The following PLEKHG4B variants were observed in gnomAD, a reference collection of about 807,000 sequenced individuals.
The protein encoded by PLEKHG4B is pleckstrin homology domain-containing family G member 4B.
In PLEKHG4B, 111 loss-of-function variants were observed where a neutral mutation model predicts 121.3. That is an observed-to-expected ratio of 0.92 (90% CI 0.78 to 1.07). PLEKHG4B has a LOEUF of 1.07. Ranked by LOEUF, PLEKHG4B falls within the 50% of genes least tolerant of loss-of-function variation. The pLI, the probability that PLEKHG4B is intolerant of heterozygous loss-of-function variation, is 0.00. For missense variants in PLEKHG4B, 1,831 were observed against 1,757.8 expected (o/e 1.04, Z -0.74); for synonymous variants, 738 against 725.0 (o/e 1.02, Z -0.29).
At position 182,688 on chromosome 5, in the gene PLEKHG4B, C is replaced by T. The variant is rs1330129919; in HGVS notation, c.*365C>T. The T allele has an allele frequency of 7.7e-6, 2 of 258,200 alleles. No homozygotes were observed. Among genetic ancestry groups the T allele is most frequent in the Non-Finnish European group, 1.5e-5 (2 of 131,718 alleles). 16.0% of individuals were successfully genotyped at this position (258,200 alleles called of 1,614,324 possible). On this transcript the variant is annotated 3_prime_UTR_variant, in exon 20 of 20. Coordinates refer to ENST00000637938, the MANE Select transcript of PLEKHG4B (RefSeq NM_052909.5). ...GAGACAGGAAAACGGGAGGTGAGCC[C>T]GGTGATGGCCTCAGACCTCCCTCCG... is the stretch of plus-strand genomic sequence containing the variant.
chr5:183,991 C>CGATAGATAGAT lies in PLEKHG4B; in HGVS notation c.*1669_*1679dup, dbSNP rs1733523883. 9.6e-6 allele frequency: 1 copy of CGATAGATAGAT among 104,614 alleles called. No individual in the cohort carries two copies. The highest frequency in any genetic ancestry group is 2.9e-5 in the African/African-American group (1 of 34,128). The allele number at this position is 104,614 out of a possible 1,614,324, so 6.5% of individuals were successfully genotyped here. A position where few individuals can be genotyped will look rare whatever the true frequency, so the allele number is the denominator to read the frequency against. On this transcript the variant is annotated 3_prime_UTR_variant, in exon 20 of 20. Transcript: ENST00000637938. The stretch of plus-strand genomic sequence containing the variant: ...CAGACAGATAGATAGATAGATAGAT[C>CGATAGATAGAT]GATAGATAGATAGATAGATAGATAG...
At chr5:145,009 GC>G in intron 6 of PLEKHG4B, 89 bp downstream of exon 6, 2 of 1,228,684 alleles carry the variant, frequency 1.6e-6, no homozygotes, top group Non-Finnish European at 1.2e-6. Flanking sequence ...TTCTGGAGTA[GC>G]CAGTCCACAG....
At chr5:122,692 T>G (rs1040543006) in intron 2 of PLEKHG4B, among the ~76,000 whole-genome samples, 1 of 151,988 alleles carries the variant, frequency 6.6e-6, no homozygotes, top group Non-Finnish European at 1.5e-5. Context: ...AGTGCTGGGA[T>G]TACAGACATG....
intron 2 of PLEKHG4B, among the ~76,000 whole-genome samples, chr5:126,761 G>C (rs935502644): frequency 6.6e-6 from 1 of 152,138 alleles, no homozygotes; most frequent in Admixed American, 6.6e-5. Context: ...ACGCACATGA[G>C]GAGTGAGTTT....
At chr5:167,490 T>A in intron 13 of PLEKHG4B, among the ~76,000 whole-genome samples, 1 of 129,390 alleles carries the variant, frequency 7.7e-6, no homozygotes, top group Non-Finnish European at 1.9e-5. Context: ...TCGAGTTATT[T>A]AAGGAGGTTG....
At chr5:164,654 G>GA (rs1338530609) in intron 13 of PLEKHG4B, among the ~76,000 whole-genome samples, 23,900 of 128,758 alleles carry the variant, frequency 0.19, 6,566 homozygotes, top group Non-Finnish European at 0.27. Context: ...TGCTCTGACG[G>GA]GCGGAGCTCA....
rs1157608807 is a variant in PLEKHG4B at position 137,719 on chromosome 5, T to C, written c.244-1764T>C. 6.6e-6 allele frequency among the ~76,000 whole-genome samples: 1 copy of C among 152,206 alleles called. No homozygotes were observed. Among genetic ancestry groups the C allele is most frequent in the Non-Finnish European group, 1.5e-5 (1 of 68,032 alleles). ...CACAACGATTTTTTCAACAGTCACTTGTGCATTTTACGTCAAATCACCACT... is the reference window on the plus strand; with the variant it reads ...CACAACGATTTTTTCAACAGTCACTCGTGCATTTTACGTCAAATCACCACT... On this transcript the variant is annotated intron_variant, in intron 2 of 19. Coordinates refer to ENST00000637938, the MANE Select transcript of PLEKHG4B (RefSeq NM_052909.5). The surrounding 1 kb of genome is among the most constrained non-coding windows in gnomAD (Gnocchi z 4.2).
At position 139,545 on chromosome 5, in the gene PLEKHG4B, G is replaced by C. The variant is rs773880780; in HGVS notation, c.306G>C (p.Val102=). The C allele has an allele frequency of 2.5e-6, 1 of 398,890 alleles. No individual in the cohort carries two copies. Among genetic ancestry groups the C allele is most frequent in the Non-Finnish European group, 4.4e-6 (1 of 226,192 alleles). The allele number at this position is 398,890 out of a possible 1,614,324, so 24.7% of individuals were successfully genotyped here. The change falls in exon 3 of 20, where the codon GTG becomes GTC. Residue 102 remains valine (V), a synonymous_variant. Transcript: ENST00000637938. This position sits in a 1 kb window ranked among gnomAD's most constrained non-coding sequence, Gnocchi z 5.0. ...PGWPLCAHEK[V]VVQLASLHGV... is the part of the protein sequence containing the mutation. Reference sequence around the variant, plus strand: ...GGCCGCTGTGCGCCCATGAGAAGGTGGTGGTGCAGCTGGCGTCCCTGCACG... The same window carrying C: ...GGCCGCTGTGCGCCCATGAGAAGGTCGTGGTGCAGCTGGCGTCCCTGCACG...
intron 2 of PLEKHG4B, among the ~76,000 whole-genome samples, chr5:135,704 T>TATATATATATATATAC (rs1734962357): frequency 1.1e-5 from 1 of 91,438 alleles, no homozygotes; most frequent in African/African-American, 5.5e-5. Flanking sequence ...TATATATATA[T>TATATATATATATATAC]ATATATATAT....
chr5:145,019 A>T, intron 6 of PLEKHG4B, 99 bp downstream of exon 6: 1 of 1,110,264 alleles, frequency 9.0e-7, no homozygotes, highest in Non-Finnish European at 1.3e-6. Context: ...GCCAGTCCAC[A>T]GGCTTAGTGT....
intron 2 of PLEKHG4B, among the ~76,000 whole-genome samples, chr5:136,943 G>A (rs1735002032): frequency 6.6e-6 from 1 of 152,160 alleles, no homozygotes; most frequent in South Asian, 2.1e-4. Flanking sequence ...GCAGACAAAA[G>A]GTGGAAACAA....
intron 2 of PLEKHG4B, among the ~76,000 whole-genome samples, chr5:125,000 G>A (rs1734572019): frequency 2.0e-5 from 3 of 152,116 alleles, no homozygotes; most frequent in Admixed American, 2.0e-4. Flanking sequence ...GGGTGTGGAG[G>A]CGTGCGACTG....
At chr5:119,264 A>G (rs932449176) in intron 2 of PLEKHG4B, among the ~76,000 whole-genome samples, 1 of 152,182 alleles carries the variant, frequency 6.6e-6, no homozygotes, top group Non-Finnish European at 1.5e-5. Flanking sequence ...AAAACTAGAA[A>G]TCAACAACAA....
In PLEKHG4B at chr5:156,194, G is replaced by A. The variant is rs750074975; in HGVS notation, c.2332G>A (p.Gly778Ser). 5 of 1,545,654 alleles carry A rather than the reference G, an allele frequency of 3.2e-6. No homozygotes were observed. In the South Asian group the frequency reaches 6.1e-5, roughly 19 times the overall value. ...VLARLRREELGTEDSRDTLEA... is the reference protein window; with the variant it reads ...VLARLRREELSTEDSRDTLEA... ...GGCGCGGCTGAGGAGAGAAGAGCTT[G>A]GCACAGAAGACAGCCGGTGAGCGCT... is the stretch of plus-strand genomic sequence containing the variant. The change falls in exon 10 of 20, where the codon GGC becomes AGC. Residue 778 changes from glycine to serine, a missense_variant. Transcript: ENST00000637938. The surrounding 1 kb of genome is among the most constrained non-coding windows in gnomAD (Gnocchi z 4.4).
At chr5:97,597 A>G (rs1056573093) in intron 1 of PLEKHG4B, among the ~76,000 whole-genome samples, 2 of 152,112 alleles carry the variant, frequency 1.3e-5, no homozygotes, top group East Asian at 3.8e-4. Flanking sequence ...ACGTTTGTGA[A>G]CCTCATCTGT....
Position 156,845 on chromosome 5 carries a change from G to T in PLEKHG4B, c.2421G>T (p.Ser807=). 2 of 1,604,604 alleles carry T rather than the reference G, an allele frequency of 1.2e-6. No individual in the cohort carries two copies. Among genetic ancestry groups the T allele is most frequent in the African/African-American group, 1.3e-5 (1 of 74,858 alleles). ...AGGTGCACAGGCTGGTCCTCACCTC[G>T]AACAATCGTCTCCAGCAGCTGGAGC... is the stretch of plus-strand genomic sequence containing the variant. ...DEEVHRLVLT[S]NNRLQQLEHL... is the part of the protein sequence containing the mutation. The change falls in exon 11 of 20, where the codon TCG becomes TCT. Residue 807 remains serine, a synonymous_variant. Coordinates refer to ENST00000637938, the MANE Select transcript of PLEKHG4B (RefSeq NM_052909.5). The surrounding 1 kb of genome is among the most constrained non-coding windows in gnomAD (Gnocchi z 4.4).
At chr5:108,971 G>T (rs62344111) in intron 1 of PLEKHG4B, among the ~76,000 whole-genome samples, 24,845 of 152,170 alleles carry the variant, frequency 0.16, 3,189 homozygotes, top group African/African-American at 0.36. Context: ...TGACCAGGTG[G>T]CAGCCCAGAG....
In PLEKHG4B at chr5:164,003, G is replaced by A. The variant is rs563489494; in HGVS notation, c.3476+455G>A. On this transcript the variant is annotated intron_variant, in intron 13 of 19. Transcript: ENST00000637938. ...CTCACTTGTCGAGCCTGCAAAGGACGCGTCCACTCATTGGTAAGGGTGGGC... is the reference window on the plus strand; with the variant it reads ...CTCACTTGTCGAGCCTGCAAAGGACACGTCCACTCATTGGTAAGGGTGGGC... 1.3e-3 allele frequency among the ~76,000 whole-genome samples: 205 copies of A among 152,374 alleles called. 1 individual carries two copies. Among genetic ancestry groups the A allele is most frequent in the African/African-American group, 4.7e-3 (197 of 41,596 alleles).
At position 159,009 on chromosome 5, in the gene PLEKHG4B, G is replaced by C. The variant is rs1579302819; in HGVS notation, c.2487+2098G>C. Among the ~76,000 whole-genome samples, 2 of 151,926 alleles carry C rather than the reference G, an allele frequency of 1.3e-5. No individual in the cohort carries two copies. The highest frequency in any genetic ancestry group is 3.9e-4 in the East Asian group (2 of 5,154). On this transcript the variant is annotated intron_variant, in intron 11 of 19. Coordinates refer to ENST00000637938, the MANE Select transcript of PLEKHG4B (RefSeq NM_052909.5). The surrounding 1 kb of genome is among the most constrained non-coding windows in gnomAD (Gnocchi z 5.5). ...CAGTCACTTTAGTTTCCCTTCGCCAGCTGGAAGGCCCTGCGCCTGTGCTTA... is the reference window on the plus strand; with the variant it reads ...CAGTCACTTTAGTTTCCCTTCGCCACCTGGAAGGCCCTGCGCCTGTGCTTA...
Sources: allele counts gnomAD v4.1 joint callset (sites outside exome capture counted in the v4.1 genomes callset), GRCh38; gene constraint gnomAD v4.1.1; non-coding constraint Gnocchi (gnomAD v3.1); transcripts MANE v1.5; gene names NCBI Gene and HGNC (gene_info 2026-07-23, HGNC 2026-07-21).